KLHL3: variants seen among roughly 807,000 people sequenced by gnomAD.
KLHL3 encodes kelch-like protein 3.
A neutral mutation model predicts 70.5 loss-of-function variants in KLHL3; 19 were observed. That is an observed-to-expected ratio of 0.27 (90% CI 0.19 to 0.40). KLHL3 has a LOEUF of 0.40. KLHL3 is among the 10% of genes least tolerant of loss of function. The pLI is 1.00. For synonymous variants in KLHL3, 258 were observed against 290.3 expected, an observed-to-expected ratio of 0.89 and a Z score of 1.13; for missense variants, 512 against 771.1, an observed-to-expected ratio of 0.66 and a Z score of 3.98.
chr5:137,730,578 A>AT, intron 1 of KLHL3, among the ~76,000 whole-genome samples: 1 of 152,354 alleles, frequency 6.6e-6, no homozygotes, highest in East Asian at 1.9e-4. Context: ...TACTAATCAC[A>AT]TTCCTAAAAC....
At chr5:137,637,185 G>T in intron 11 of KLHL3, 109 bp downstream of exon 11, 1 of 807,750 alleles carries the variant, frequency 1.2e-6, no homozygotes, top group Non-Finnish European at 2.1e-6. Context: ...CCAGAGGAGT[G>T]ATCTCAGGAA....
At chr5:137,661,842 C>T (rs1751482358) in intron 7 of KLHL3, 73 bp downstream of exon 7, 2 of 844,978 alleles carry the variant, frequency 2.4e-6, no homozygotes, top group Non-Finnish European at 4.0e-6. Context: ...CTCCATCCAA[C>T]CAGGATTGCC....
At chr5:137,697,690 T>C (rs561233337) in intron 4 of KLHL3, among the ~76,000 whole-genome samples, 12 of 152,344 alleles carry the variant, frequency 7.9e-5, no homozygotes, top group Admixed American at 7.2e-4. Context: ...TACCTTGCTT[T>C]ATGTACCTCT....
At chr5:137,672,744 G>A (rs892072699) in intron 6 of KLHL3, 1 of 152,160 alleles carries the variant, frequency 6.6e-6, no homozygotes, top group African/African-American at 2.4e-5. Flanking sequence ...AACTGCACTC[G>A]AACTCAGGAG....
At position 137,692,358 on chromosome 5, in the gene KLHL3, A is replaced by G; in HGVS notation, c.453T>C (p.Asn151=). ...DFLQSQLHPT[N]CLGIRAFADV... is the part of the protein sequence containing the mutation. ...CTGCAAATGCACGGATGCCCAGGCA[A>G]TTGGTGGGATGCAACTGAGACTGCA... Residue 151 remains asparagine, a synonymous_variant, in exon 5 of 15, where the codon AAT becomes AAC. Transcript: ENST00000309755. The G allele has an allele frequency of 6.2e-7, 1 of 1,613,928 alleles. No individual in the cohort carries two copies.
chr5:137,704,940 A>G (rs1385858650), intron 3 of KLHL3, among the ~76,000 whole-genome samples: 1 of 152,174 alleles, frequency 6.6e-6, no homozygotes, highest in Non-Finnish European at 1.5e-5. Flanking sequence ...GACTAACTCT[A>G]GAAGATAGCC....
intron 12 of KLHL3, 50 bp downstream of exon 12, chr5:137,633,987 C>A (rs1424060636): frequency 6.2e-7 from 1 of 1,612,734 alleles, no homozygotes. Context: ...ATTTAAGGAC[C>A]CACTTGTGAG....
At chr5:137,719,733 G>A (rs1752961002) in intron 2 of KLHL3, among the ~76,000 whole-genome samples, 1 of 152,116 alleles carries the variant, frequency 6.6e-6, no homozygotes, top group Non-Finnish European at 1.5e-5. Context: ...TGGCTGTCTT[G>A]CCAACCTAAG....
intron 4 of KLHL3, 111 bp from the exon 5 acceptor site, chr5:137,692,558 C>T (rs1752349240): frequency 2.0e-6 from 2 of 1,020,252 alleles, no homozygotes; most frequent in Non-Finnish European, 2.9e-6. Flanking sequence ...CTCTCCACTG[C>T]CCGCCAGTAA....
At chr5:137,716,909 C>G (rs867008356) in intron 2 of KLHL3, among the ~76,000 whole-genome samples, 7 of 152,166 alleles carry the variant, frequency 4.6e-5, no homozygotes, top group Non-Finnish European at 8.8e-5. Flanking sequence ...TCTAACCAAC[C>G]CCCCTTCCCA....
intron 8 of KLHL3, among the ~76,000 whole-genome samples, chr5:137,647,174 C>G (rs972804327): frequency 7.2e-5 from 11 of 152,172 alleles, no homozygotes; most frequent in African/African-American, 2.7e-4. Flanking sequence ...CAAAAGACTA[C>G]CTGATTCCTT....
chr5:137,632,709 C>G (rs891417868), intron 12 of KLHL3, among the ~76,000 whole-genome samples: 6 of 152,122 alleles, frequency 3.9e-5, no homozygotes, highest in Non-Finnish European at 5.9e-5. Flanking sequence ...AAGAAATAAT[C>G]AACAAACAGT....
At chr5:137,647,465 A>T (rs1751079825) in intron 8 of KLHL3, 1 of 463,114 alleles carries the variant, frequency 2.2e-6, no homozygotes, top group African/African-American at 2.0e-5. Context: ...TCAAATTTCT[A>T]CTCAGGTGAG....
chr5:137,708,797 C>T, intron 3 of KLHL3, among the ~76,000 whole-genome samples: 1 of 152,170 alleles, frequency 6.6e-6, no homozygotes, highest in Non-Finnish European at 1.5e-5. Flanking sequence ...GGATAAAAAG[C>T]AGTCAGTTAC....
chr5:137,670,971 C>CA (rs35273673), intron 6 of KLHL3, among the ~76,000 whole-genome samples: 26,118 of 131,208 alleles, frequency 0.2, 2,659 homozygotes, highest in African/African-American at 0.27. Flanking sequence ...GACTCCACCT[C>CA]AAAAAAAAAA....
intron 6 of KLHL3, among the ~76,000 whole-genome samples, chr5:137,667,194 T>G (rs1239927993): frequency 1.3e-5 from 2 of 152,122 alleles, no homozygotes; most frequent in Non-Finnish European, 2.9e-5. Context: ...AGTAGCAGAG[T>G]TGAGAAGCCA....
intron 2 of KLHL3, among the ~76,000 whole-genome samples, chr5:137,718,842 A>T (rs1220445132): frequency 6.6e-6 from 1 of 152,248 alleles, no homozygotes; most frequent in East Asian, 1.9e-4. Context: ...GCCTGATAAA[A>T]ATTGAGCAGT....
rs536161928 is a variant in KLHL3 at position 137,710,487 on chromosome 5, C to A, written c.135-631G>T. On this transcript the variant is annotated intron_variant, in intron 2 of 14. Transcript: ENST00000309755. Reference sequence around the variant, plus strand: ...ATTACCTTTCTGTTTGTCACCCCAACTCAGAAAGGGACTTGTCTTATTTAA... The same window carrying A: ...ATTACCTTTCTGTTTGTCACCCCAAATCAGAAAGGGACTTGTCTTATTTAA... 2.0e-5 allele frequency among the ~76,000 whole-genome samples: 3 copies of A among 152,334 alleles called. No homozygotes were observed. The East Asian group carries it at 5.8e-4, about 29-fold the overall frequency.
At chr5:137,725,854 G>A (rs1753077937) in intron 1 of KLHL3, among the ~76,000 whole-genome samples, 1 of 152,198 alleles carries the variant, frequency 6.6e-6, no homozygotes, top group African/African-American at 2.4e-5. Flanking sequence ...AAAGGGTGTT[G>A]CAAATTGGTT....
Sources: gnomAD v4.1 joint callset for allele counts (sites outside exome capture counted in the v4.1 genomes callset) on GRCh38, gnomAD v4.1.1 for gene constraint, MANE v1.5 for transcripts, NCBI Gene and HGNC (gene_info 2026-07-23, HGNC 2026-07-21) for gene names.